The following IGSF21 variants were observed in gnomAD, a reference collection of about 807,000 sequenced individuals.
IGSF21 encodes the protein immunoglobulin superfamily member 21.
A neutral mutation model predicts 46.8 loss-of-function variants in IGSF21; 28 were observed. The ratio of observed to expected loss-of-function variants is 0.60; its 90% CI spans 0.44 to 0.82. IGSF21 has a LOEUF of 0.82. IGSF21 is among the 40% of genes least tolerant of loss of function. The probability of loss-of-function intolerance (pLI) is 0.00; values close to 1 mark genes in which losing one functional copy is unlikely to be tolerated. For synonymous variants in IGSF21, 284 were observed against 273.6 expected, an observed-to-expected ratio of 1.04 and a Z score of -0.38; for missense variants, 624 against 665.5, an observed-to-expected ratio of 0.94 and a Z score of 0.69.
At chr1:18,323,811 C>T (rs568551729) in intron 3 of IGSF21, among the ~76,000 whole-genome samples, 2 of 152,160 alleles carry the variant, frequency 1.3e-5, no homozygotes, top group African/African-American at 4.8e-5. Flanking sequence ...TGACAGAAAC[C>T]ATTTTCAGGT....
chr1:18,148,912 A>C (rs1393042239), intron 1 of IGSF21, among the ~76,000 whole-genome samples: 1 of 152,238 alleles, frequency 6.6e-6, no homozygotes, highest in Non-Finnish European at 1.5e-5. Context: ...GCCCCTGCAC[A>C]CACAAGTTAG....
At chr1:18,279,599 C>T (rs922687999) in intron 2 of IGSF21, among the ~76,000 whole-genome samples, 7 of 152,184 alleles carry the variant, frequency 4.6e-5, no homozygotes, top group Non-Finnish European at 5.9e-5. Flanking sequence ...TCCCAGCATC[C>T]GCTACCAGTG....
chr1:18,257,920 G>A (rs1486754550), intron 2 of IGSF21, among the ~76,000 whole-genome samples: 2 of 152,120 alleles, frequency 1.3e-5, no homozygotes, highest in Non-Finnish European at 2.9e-5. Context: ...TGGGCAAGGG[G>A]CCCCCTGCTG....
chr1:18,199,441 T>G (rs867335662), intron 1 of IGSF21, among the ~76,000 whole-genome samples: 2 of 152,178 alleles, frequency 1.3e-5, no homozygotes, highest in Admixed American at 1.3e-4. Context: ...TTGACTGCTG[T>G]TGGATACACG....
rs765956494 is a variant in IGSF21 at position 18,365,432 on chromosome 1, G to C, written c.750G>C (p.Leu250=). ...RPYTERPSRG[L]TPDPNILLQP... Reference sequence around the variant, plus strand: ...ACACGGAGCGCCCCTCCCGTGGCCTGACCCCAGATCCCAACATCCTCCTCC... The same window carrying C: ...ACACGGAGCGCCCCTCCCGTGGCCTCACCCCAGATCCCAACATCCTCCTCC... Residue 250 remains leucine (L), a synonymous_variant, in exon 6 of 10, where the codon CTG becomes CTC. Transcript: ENST00000251296. The surrounding 1 kb of genome is among the most constrained non-coding windows in gnomAD (Gnocchi z 4.8). The C allele has an allele frequency of 1.9e-6, 3 of 1,613,804 alleles. No homozygotes were observed. The African/African-American group carries it at 4.0e-5, about 22-fold the overall frequency.
At chr1:18,235,345 G>A (rs913540919) in intron 2 of IGSF21, among the ~76,000 whole-genome samples, 3 of 152,214 alleles carry the variant, frequency 2.0e-5, no homozygotes, top group African/African-American at 7.2e-5. Flanking sequence ...ACAAGATCCT[G>A]TGCTCACACA....
At chr1:18,316,182 G>T (rs1020158864) in intron 3 of IGSF21, among the ~76,000 whole-genome samples, 5 of 152,188 alleles carry the variant, frequency 3.3e-5, no homozygotes, top group African/African-American at 1.2e-4. Context: ...GCTTTGCCAG[G>T]CGATGATGCA....
intron 3 of IGSF21, among the ~76,000 whole-genome samples, chr1:18,329,024 T>C (rs2085685489): frequency 6.6e-6 from 1 of 152,166 alleles, no homozygotes; most frequent in African/African-American, 2.4e-5. Flanking sequence ...GGAGAAAACA[T>C]ATGGCTCTCA....
At chr1:18,217,315 T>G (rs77372019) in intron 1 of IGSF21, among the ~76,000 whole-genome samples, 1,724 of 152,316 alleles carry the variant, frequency 0.011, 27 homozygotes, top group African/African-American at 0.039. Flanking sequence ...AAAGGATGGA[T>G]GACCCATGTT....
chr1:18,321,821 C>T (rs1474006577), intron 3 of IGSF21, among the ~76,000 whole-genome samples: 1 of 152,210 alleles, frequency 6.6e-6, no homozygotes, highest in Non-Finnish European at 1.5e-5. Flanking sequence ...GCTCTGGAGC[C>T]TGGCTGCAGG....
chr1:18,373,826 G>A (rs1055328102), intron 6 of IGSF21, among the ~76,000 whole-genome samples: 2 of 152,192 alleles, frequency 1.3e-5, no homozygotes, highest in Admixed American at 1.3e-4. Flanking sequence ...AATGGGTTTC[G>A]TGATAACCTG....
intron 1 of IGSF21, chr1:18,176,040 G>A (rs1422754277): frequency 1.3e-5 from 2 of 152,140 alleles, no homozygotes; most frequent in Non-Finnish European, 2.9e-5. Flanking sequence ...GTGAAGGAGG[G>A]AAGGCCCGGT....
chr1:18,312,291 G>C (rs1557638403), intron 3 of IGSF21, among the ~76,000 whole-genome samples: 1 of 152,306 alleles, frequency 6.6e-6, no homozygotes, highest in East Asian at 1.9e-4. Flanking sequence ...CAGGAGCAGG[G>C]GTAATTGTCA....
At chr1:18,202,926 C>A (rs2087091156) in intron 1 of IGSF21, among the ~76,000 whole-genome samples, 1 of 152,180 alleles carries the variant, frequency 6.6e-6, no homozygotes, top group Non-Finnish European at 1.5e-5. Context: ...GGAAAGGTGC[C>A]ATGGGCCTGG....
In IGSF21 at chr1:18,273,468, C is replaced by CT. The variant is rs370164652; in HGVS notation, c.184-18395dup. On this transcript the variant is annotated intron_variant, in intron 2 of 9. Transcript: ENST00000251296. ...TCACTTTCTTTCTTTCTCTCTCTTT[C>CT]TTTCTTTCTTTCTTTCTTTCTTTCT... Among the ~76,000 whole-genome samples, 52 of 22,696 alleles carry CT rather than the reference C, an allele frequency of 2.3e-3. 2 individuals carry two copies. In the South Asian group the frequency reaches 0.05, roughly 22 times the overall value. The allele number at this position is 22,696 out of a possible 152,430, so 14.9% of individuals were successfully genotyped here.
rs547415183 is a variant in IGSF21 at position 18,280,924 on chromosome 1, C to A, written c.184-10942C>A. 2.3e-3 allele frequency among the ~76,000 whole-genome samples: 351 copies of A among 152,312 alleles called. 3 individuals carry two copies. Among genetic ancestry groups the A allele is most frequent in the African/African-American group, 8.1e-3 (337 of 41,568 alleles). ...TTCTGGGCAGGGCCTGCCCTGGACC[C>A]TCCCTGGCAGAGCTCCCCGGCCTGC... is the stretch of plus-strand genomic sequence containing the variant. On this transcript the variant is annotated intron_variant, in intron 2 of 9. Transcript: ENST00000251296.
intron 2 of IGSF21, among the ~76,000 whole-genome samples, chr1:18,281,995 T>C (rs1168987533): frequency 6.6e-6 from 1 of 152,164 alleles, no homozygotes; most frequent in South Asian, 2.1e-4. Context: ...TCTGTGACCC[T>C]GGGCATGCCC....
intron 1 of IGSF21, among the ~76,000 whole-genome samples, chr1:18,119,891 T>C (rs1057433570): frequency 1.3e-5 from 2 of 152,034 alleles, no homozygotes; most frequent in Non-Finnish European, 2.9e-5. Context: ...AAGTAAAAAA[T>C]GAGTCAAGTT....
chr1:18,140,822 C>G (rs1361062207), intron 1 of IGSF21, among the ~76,000 whole-genome samples: 1 of 152,200 alleles, frequency 6.6e-6, no homozygotes, highest in African/African-American at 2.4e-5. Flanking sequence ...GGATTACCAT[C>G]CTCTGCGGGC....
Sources: allele counts gnomAD v4.1 joint callset (sites outside exome capture counted in the v4.1 genomes callset), GRCh38; gene constraint gnomAD v4.1.1; non-coding constraint Gnocchi (gnomAD v3.1); transcripts MANE v1.5; gene names NCBI Gene and HGNC (gene_info 2026-07-23, HGNC 2026-07-21).